Variants in LRRC4C observed in about 807,000 individuals in gnomAD.
The protein encoded by LRRC4C is leucine rich repeat containing 4C.
In LRRC4C, 5 loss-of-function variants were observed where a neutral mutation model predicts 33.6. The observed-to-expected ratio is 0.15, with a 90% CI of 0.08 to 0.31. LRRC4C has a LOEUF of 0.31. Among genes scored for constraint, LRRC4C ranks in the 10% least tolerant of loss-of-function variants. LRRC4C has a pLI of 1.00. For synonymous variants in LRRC4C, 329 were observed against 302.0 expected (o/e 1.09, Z -0.93); for missense variants, 560 against 796.7 (o/e 0.70, Z 3.58).
chr11:41,116,938 C>T lies in LRRC4C; in HGVS notation c.-495-183215G>A, dbSNP rs143551518. On this transcript the variant is annotated intron_variant, in intron 1 of 6. Transcript: ENST00000528697. ...ACCTCACCATAGGCCATGCCCTTTG[C>T]AATGTGACTGCAGCTCTCACATCAA... 7.5e-4 allele frequency among the ~76,000 whole-genome samples: 114 copies of T among 152,292 alleles called. No homozygotes were observed. The East Asian group carries it at 0.02, about 27-fold the overall frequency.
At chr11:41,077,735 C>T (rs1431681135) in intron 1 of LRRC4C, among the ~76,000 whole-genome samples, 3 of 152,182 alleles carry the variant, frequency 2.0e-5, no homozygotes, top group African/African-American at 2.4e-5. Flanking sequence ...TCCTCATTAC[C>T]TATGCAAATT....
chr11:40,536,491 C>T (rs1001891264), intron 3 of LRRC4C, among the ~76,000 whole-genome samples: 1 of 152,064 alleles, frequency 6.6e-6, no homozygotes, highest in Non-Finnish European at 1.5e-5. Flanking sequence ...CGTGCCCGGC[C>T]CCAAACAGTC....
Position 40,748,413 on chromosome 11 carries a change from T to A in LRRC4C, c.-406-100135A>T, listed in dbSNP as rs562190437. Among the ~76,000 whole-genome samples the A allele has an allele frequency of 8.7e-4, 132 of 151,238 alleles. No homozygotes were observed. The Middle Eastern group carries it at 0.01, about 12-fold the overall frequency. On this transcript the variant is annotated intron_variant, in intron 2 of 6. Transcript: ENST00000528697. ...GCCCTACAAGAAAGGCTCAAGGGAGTAAAAAACCTTAAGTCGAAAGGACAT... is the reference window on the plus strand; with the variant it reads ...GCCCTACAAGAAAGGCTCAAGGGAGAAAAAAACCTTAAGTCGAAAGGACAT...
intron 4 of LRRC4C, among the ~76,000 whole-genome samples, chr11:40,313,249 G>T (rs1231952220): frequency 6.6e-6 from 1 of 152,052 alleles, no homozygotes; most frequent in African/African-American, 2.4e-5. Flanking sequence ...CTTCAATTCT[G>T]TGACTTACCA....
At chr11:40,305,609 CAAA>C (rs78364325) in intron 4 of LRRC4C, among the ~76,000 whole-genome samples, 4 of 96,444 alleles carry the variant, frequency 4.1e-5, no homozygotes, top group African/African-American at 7.2e-5. Context: ...TTGTCAAATA[CAAA>C]AAAAAAAAAA....
chr11:40,377,092 T>C (rs1948689509), intron 3 of LRRC4C, among the ~76,000 whole-genome samples: 1 of 152,142 alleles, frequency 6.6e-6, no homozygotes, highest in Non-Finnish European at 1.5e-5. Context: ...TGAGAGAAGC[T>C]AATGAGAAGA....
intron 3 of LRRC4C, among the ~76,000 whole-genome samples, chr11:40,452,779 G>C (rs1270487396): frequency 2.6e-5 from 4 of 152,172 alleles, no homozygotes; most frequent in East Asian, 1.9e-4. Context: ...TTGGAACCAA[G>C]CCAAATGTCC....
At chr11:40,339,181 C>G (rs965219337) in intron 3 of LRRC4C, among the ~76,000 whole-genome samples, 1 of 152,130 alleles carries the variant, frequency 6.6e-6, no homozygotes, top group Non-Finnish European at 1.5e-5. Context: ...TTAATAGATA[C>G]CACCTTGCCA....
chr11:40,696,298 A>ATG (rs1945516814), intron 2 of LRRC4C, among the ~76,000 whole-genome samples: 2 of 98,822 alleles, frequency 2.0e-5, no homozygotes, highest in South Asian at 5.0e-4. Flanking sequence ...ATATATATAT[A>ATG]TGGTATATAT....
At chr11:40,125,550 TTC>T (rs35065547) in intron 6 of LRRC4C, among the ~76,000 whole-genome samples, 23 of 151,160 alleles carry the variant, frequency 1.5e-4, no homozygotes, top group Non-Finnish European at 1.6e-4. Context: ...TGTTCATTTC[TTC>T]TCTCTCTCTC....
At chr11:40,235,872 T>C (rs141357888) in intron 5 of LRRC4C, among the ~76,000 whole-genome samples, 97 of 152,160 alleles carry the variant, frequency 6.4e-4, no homozygotes, top group African/African-American at 2.2e-3. Flanking sequence ...TGCATGGCCT[T>C]ATTATTATTA....
At chr11:41,040,739 T>C (rs1318031791) in intron 1 of LRRC4C, among the ~76,000 whole-genome samples, 1 of 152,226 alleles carries the variant, frequency 6.6e-6, no homozygotes, top group Admixed American at 6.5e-5. Flanking sequence ...AAGTATGACA[T>C]TTTAGAAAAT....
intron 2 of LRRC4C, among the ~76,000 whole-genome samples, chr11:40,757,598 A>G (rs1255951203): frequency 1.7e-5 from 1 of 59,408 alleles, no homozygotes; most frequent in African/African-American, 8.2e-5. Context: ...GCAAACTTTG[A>G]GTTTTTTTTT....
At chr11:41,336,887 T>C (rs925475064) in intron 1 of LRRC4C, among the ~76,000 whole-genome samples, 5 of 151,902 alleles carry the variant, frequency 3.3e-5, no homozygotes, top group African/African-American at 7.3e-5. Context: ...ATCCTTAAAA[T>C]AGTTTAATGC....
chr11:40,279,682 T>C (rs1292342826), intron 4 of LRRC4C, among the ~76,000 whole-genome samples: 2 of 152,176 alleles, frequency 1.3e-5, no homozygotes, highest in Non-Finnish European at 2.9e-5. Flanking sequence ...TTCAGAATTA[T>C]AAATAAATTG....
At chr11:40,438,766 A>G (rs1042813492) in intron 3 of LRRC4C, among the ~76,000 whole-genome samples, 1 of 152,206 alleles carries the variant, frequency 6.6e-6, no homozygotes, top group African/African-American at 2.4e-5. Context: ...ATCAAATTAA[A>G]AATAAGTATC....
intron 3 of LRRC4C, among the ~76,000 whole-genome samples, chr11:40,375,418 T>C (rs775902533): frequency 9.9e-5 from 15 of 152,178 alleles, no homozygotes; most frequent in Non-Finnish European, 1.9e-4. Flanking sequence ...CCATCCCTGA[T>C]ACTGGACAGA....
chr11:41,432,205 G>T (rs1955262574), intron 1 of LRRC4C, among the ~76,000 whole-genome samples: 1 of 152,142 alleles, frequency 6.6e-6, no homozygotes, highest in South Asian at 2.1e-4. Flanking sequence ...TATTGCTTCA[G>T]GATTCTTGCT....
At chr11:40,579,501 T>C (rs906089472) in intron 3 of LRRC4C, among the ~76,000 whole-genome samples, 2 of 152,218 alleles carry the variant, frequency 1.3e-5, no homozygotes, top group Non-Finnish European at 2.9e-5. Context: ...GGTATAATTA[T>C]ATACTATAAA....
Sources: allele counts gnomAD v4.1 joint callset (sites outside exome capture counted in the v4.1 genomes callset), GRCh38; gene constraint gnomAD v4.1.1; transcripts MANE v1.5; gene names NCBI Gene and HGNC (gene_info 2026-07-23, HGNC 2026-07-21).